Variants in GRM8 observed in about 807,000 individuals in gnomAD.
GRM8 encodes metabotropic glutamate receptor 8.
GRM8 carries 47 observed loss-of-function variants against 87.2 expected under a neutral mutation model. That is an observed-to-expected ratio of 0.54 (90% confidence interval 0.43 to 0.69). The LOEUF (loss-of-function observed/expected upper bound fraction) is 0.69. GRM8 is among the 30% of genes least tolerant of loss of function. The pLI, the probability that GRM8 is intolerant of heterozygous loss-of-function variation, is 0.00. For synonymous variants in GRM8, 396 were observed against 404.5 expected (o/e 0.98, Z 0.25); for missense variants, 1,019 against 1,139.2 (o/e 0.89, Z 1.52).
intron 6 of GRM8, among the ~76,000 whole-genome samples, chr7:126,886,968 G>A (rs558925309): frequency 6.6e-6 from 1 of 152,222 alleles, no homozygotes; most frequent in East Asian, 1.9e-4. Context: ...GTGCAGAGAA[G>A]TATTACTTCA....
intron 3 of GRM8, among the ~76,000 whole-genome samples, chr7:126,946,396 G>A (rs867069070): frequency 1.1e-4 from 17 of 152,286 alleles, no homozygotes; most frequent in African/African-American, 3.6e-4. Context: ...AGCTACTTGG[G>A]AGACTGAGAT....
At chr7:126,474,869 C>G (rs1191668423) in intron 9 of GRM8, among the ~76,000 whole-genome samples, 1 of 152,042 alleles carries the variant, frequency 6.6e-6, no homozygotes, top group Non-Finnish European at 1.5e-5. Context: ...ACTTATAGAA[C>G]AAAGGATAAA....
chr7:126,711,985 C>T (rs1360294284), intron 7 of GRM8, among the ~76,000 whole-genome samples: 2 of 152,208 alleles, frequency 1.3e-5, no homozygotes, highest in African/African-American at 4.8e-5. Flanking sequence ...ACTTTCTCAT[C>T]ATTTGTGTGT....
chr7:126,729,579 G>A (rs1428037201), intron 7 of GRM8, among the ~76,000 whole-genome samples: 1 of 152,112 alleles, frequency 6.6e-6, no homozygotes, highest in Non-Finnish European at 1.5e-5. Flanking sequence ...TAGCAAGCAG[G>A]TAACTTCACT....
intron 8 of GRM8, among the ~76,000 whole-genome samples, chr7:126,588,971 C>T (rs1409865328): frequency 6.6e-6 from 1 of 152,120 alleles, no homozygotes; most frequent in East Asian, 1.9e-4. Flanking sequence ...TGTGGGCTCT[C>T]TCGGTCCCCA....
chr7:126,681,092 A>G (rs1227111240), intron 7 of GRM8, among the ~76,000 whole-genome samples: 1 of 152,210 alleles, frequency 6.6e-6, no homozygotes, highest in Non-Finnish European at 1.5e-5. Flanking sequence ...GGTAGAGAAA[A>G]TAAGTGGTTA....
rs575007429 is a variant in GRM8, at chr7:127,165,238, G to A, written c.511-58526C>T. On this transcript the variant is annotated intron_variant, in intron 2 of 10. Coordinates refer to ENST00000339582, the MANE Select transcript of GRM8 (RefSeq NM_000845.3). Reference sequence around the variant, plus strand: ...AAATGCTATGGCAAAACTAAAATGAGTAAAAATGATGGAAAATATGATTTT... The same window carrying A: ...AAATGCTATGGCAAAACTAAAATGAATAAAAATGATGGAAAATATGATTTT... Among the ~76,000 whole-genome samples the A allele has an allele frequency of 3.1e-4, 43 of 139,116 alleles. 1 individual carries two copies. Among genetic ancestry groups the A allele is most frequent in the African/African-American group, 1.0e-3 (40 of 38,268 alleles). 91.3% of individuals were successfully genotyped at this position (139,116 alleles called of 152,430 possible). A position where few individuals can be genotyped will look rare whatever the true frequency, so the allele number is the denominator to read the frequency against.
chr7:126,485,177 G>A (rs143870712), intron 9 of GRM8, among the ~76,000 whole-genome samples: 1 of 152,172 alleles, frequency 6.6e-6, no homozygotes, highest in Non-Finnish European at 1.5e-5. Flanking sequence ...TTAAGCACAA[G>A]GTCTCTGTCC....
chr7:126,813,789 C>G (rs914847304), intron 6 of GRM8, among the ~76,000 whole-genome samples: 1 of 152,056 alleles, frequency 6.6e-6, no homozygotes, highest in African/African-American at 2.4e-5. Context: ...ACAATCAGTA[C>G]AAAGCTCCTT....
At chr7:126,709,477 G>T (rs747479084) in intron 7 of GRM8, among the ~76,000 whole-genome samples, 7 of 151,638 alleles carry the variant, frequency 4.6e-5, no homozygotes, top group Non-Finnish European at 7.4e-5. Flanking sequence ...AAGAGGAAGA[G>T]GAAGAAGAAG....
At chr7:126,760,735 T>A (rs1390880178) in intron 7 of GRM8, among the ~76,000 whole-genome samples, 1 of 152,186 alleles carries the variant, frequency 6.6e-6, no homozygotes. Context: ...GAGACAATTA[T>A]TAAAGGATAT....
intron 7 of GRM8, among the ~76,000 whole-genome samples, chr7:126,704,856 T>A (rs1402252843): frequency 6.6e-6 from 1 of 152,150 alleles, no homozygotes; most frequent in Non-Finnish European, 1.5e-5. Flanking sequence ...AATTTTAATT[T>A]CACCCCGTCC....
chr7:126,450,887 C>G (rs1373487189), intron 9 of GRM8, among the ~76,000 whole-genome samples: 1 of 151,782 alleles, frequency 6.6e-6, no homozygotes, highest in Non-Finnish European at 1.5e-5. Context: ...GTCTTTTTCT[C>G]TCTGTCTCTT....
At chr7:126,841,748 C>G (rs1796285948) in intron 6 of GRM8, among the ~76,000 whole-genome samples, 1 of 151,928 alleles carries the variant, frequency 6.6e-6, no homozygotes, top group Admixed American at 6.6e-5. Flanking sequence ...CTGACTCAGC[C>G]TCCTGAGTAG....
chr7:126,453,161 G>C (rs1430970660), intron 9 of GRM8, among the ~76,000 whole-genome samples: 1 of 150,678 alleles, frequency 6.6e-6, no homozygotes, highest in African/African-American at 2.4e-5. Context: ...TATGTTTGTG[G>C]GAAACTTTAG....
intron 6 of GRM8, among the ~76,000 whole-genome samples, chr7:126,843,822 T>C (rs187799945): frequency 6.6e-6 from 1 of 152,362 alleles, no homozygotes; most frequent in Non-Finnish European, 1.5e-5. Context: ...GCTACTTTTT[T>C]ATTCAAGACA....
At chr7:127,173,805 C>T (rs192665238) in intron 2 of GRM8, among the ~76,000 whole-genome samples, 6 of 152,240 alleles carry the variant, frequency 3.9e-5, no homozygotes, top group East Asian at 3.9e-4. Flanking sequence ...GTCCTAAAGG[C>T]GCACACCTGG....
chr7:126,506,260 T>TAC (rs952351537), intron 9 of GRM8, among the ~76,000 whole-genome samples: 6 of 151,424 alleles, frequency 4.0e-5, no homozygotes, highest in East Asian at 2.0e-4. Flanking sequence ...TACGTGTATC[T>TAC]ACACACACAC....
At chr7:126,527,425 C>T (rs927762893) in intron 9 of GRM8, among the ~76,000 whole-genome samples, 2 of 152,132 alleles carry the variant, frequency 1.3e-5, no homozygotes, top group African/African-American at 4.8e-5. Context: ...TAGTTATATG[C>T]AGTGATTAAC....
Sources: allele counts gnomAD v4.1 joint callset (sites outside exome capture counted in the v4.1 genomes callset), GRCh38; gene constraint gnomAD v4.1.1; transcripts MANE v1.5; gene names NCBI Gene and HGNC (gene_info 2026-07-23, HGNC 2026-07-21).